The following RIMBP2 variants were observed in gnomAD, a reference collection of about 807,000 sequenced individuals.
RIMBP2 encodes the protein RIMS-binding protein 2.
Under a neutral mutation model 118.6 loss-of-function variants are expected in RIMBP2, and 48 were observed. That is an observed-to-expected ratio of 0.40 (90% CI 0.32 to 0.51). The LOEUF is 0.51. Ranked by LOEUF, RIMBP2 falls within the 20% of genes least tolerant of loss-of-function variation. RIMBP2 has a pLI of 0.41. For missense variants in RIMBP2, 1,551 were observed against 1,768.3 expected (o/e 0.88, Z 2.20); for synonymous variants, 762 against 742.9 (o/e 1.03, Z -0.42).
At position 130,420,553 on chromosome 12, in the gene RIMBP2, A is replaced by G. The variant is rs1398435490; in HGVS notation, c.3238+1900T>C. ...TTCATTTGGGAAGGGTTTTTATGAT[A>G]CTAATAAAACTTTAAAGCTTCTCAC... is the stretch of plus-strand genomic sequence containing the variant. On this transcript the variant is annotated intron_variant, in intron 17 of 22. Transcript: ENST00000690449. The surrounding 1 kb of genome is among the most constrained non-coding windows in gnomAD (Gnocchi z 4.3). Among the ~76,000 whole-genome samples, 2 of 152,238 alleles carry G rather than the reference A, an allele frequency of 1.3e-5. No individual in the cohort carries two copies. Among genetic ancestry groups the G allele is most frequent in the African/African-American group, 4.8e-5 (2 of 41,466 alleles).
chr12:130,680,139 A>G (rs2064708819), intron 1 of RIMBP2, among the ~76,000 whole-genome samples: 1 of 152,276 alleles, frequency 6.6e-6, no homozygotes, highest in Admixed American at 6.5e-5. Flanking sequence ...AGGAGCTCTC[A>G]TGCATTATTG....
chr12:130,505,493 C>G (rs1303091113), intron 4 of RIMBP2, among the ~76,000 whole-genome samples: 2 of 112,508 alleles, frequency 1.8e-5, no homozygotes, highest in African/African-American at 3.5e-5. Context: ...CCCCTCCACT[C>G]CCCCCACCAC....
At chr12:130,590,907 G>A (rs906762976) in intron 2 of RIMBP2, among the ~76,000 whole-genome samples, 6 of 152,318 alleles carry the variant, frequency 3.9e-5, no homozygotes, top group Admixed American at 6.5e-5. Flanking sequence ...ACGAACTTCC[G>A]TGAGGAAGCG....
At chr12:130,474,185 G>T (rs754381597) in intron 5 of RIMBP2, among the ~76,000 whole-genome samples, 1 of 152,136 alleles carries the variant, frequency 6.6e-6, no homozygotes, top group East Asian at 1.9e-4. Flanking sequence ...AGTGGACCAC[G>T]GGCATGTTAG....
At chr12:130,544,168 C>G (rs1405248451) in intron 2 of RIMBP2, among the ~76,000 whole-genome samples, 2 of 152,184 alleles carry the variant, frequency 1.3e-5, no homozygotes, top group Non-Finnish European at 2.9e-5. Context: ...GATGTCCTTC[C>G]TCTTCTGTCC....
intron 1 of RIMBP2, among the ~76,000 whole-genome samples, chr12:130,712,254 G>A (rs1029378514): frequency 2.0e-5 from 3 of 152,054 alleles, no homozygotes; most frequent in South Asian, 4.1e-4. Context: ...AGCTTACTTC[G>A]TTGCCTTATA....
At chr12:130,480,530 G>C (rs951989620) in intron 4 of RIMBP2, among the ~76,000 whole-genome samples, 2 of 152,188 alleles carry the variant, frequency 1.3e-5, no homozygotes, top group South Asian at 4.1e-4. Flanking sequence ...GGCTGGAACT[G>C]GTTGGTCATT....
At chr12:130,559,375 T>C (rs1185047209) in intron 2 of RIMBP2, among the ~76,000 whole-genome samples, 1 of 152,130 alleles carries the variant, frequency 6.6e-6, no homozygotes, top group Non-Finnish European at 1.5e-5. Context: ...CCCCGTGAGT[T>C]CGACTTTTTT....
chr12:130,497,259 G>A (rs1237179807), intron 4 of RIMBP2, among the ~76,000 whole-genome samples: 1 of 152,128 alleles, frequency 6.6e-6, no homozygotes, highest in African/African-American at 2.4e-5. Flanking sequence ...CATGACTGTG[G>A]GGAGGCTGAT....
At chr12:130,643,474 C>A (rs1156994993) in intron 1 of RIMBP2, among the ~76,000 whole-genome samples, 3 of 152,094 alleles carry the variant, frequency 2.0e-5, no homozygotes, top group African/African-American at 7.2e-5. Flanking sequence ...GGACAGGCAC[C>A]CCATGGGACT....
In RIMBP2 at chr12:130,424,440, C is replaced by T. The variant is rs998758112; in HGVS notation, c.2831G>A (p.Gly944Asp). 6 of 1,232,386 alleles carry T rather than the reference C, an allele frequency of 4.9e-6. No individual in the cohort carries two copies. The highest frequency in any genetic ancestry group is 5.1e-6 in the Non-Finnish European group (5 of 988,048). 76.3% of individuals were successfully genotyped at this position (1,232,386 alleles called of 1,614,324 possible). ...CCTCCTGCAGGGACAGTGACCAGGG[C>T]CTGGGCTGCACGCGGCCACGGTGTT... ...FGNTVAACSPGPGHCPCRRGP... is the reference protein window; with the variant it reads ...FGNTVAACSPDPGHCPCRRGP... Residue 944 changes from glycine (G) to aspartate (D), a missense_variant, in exon 16 of 23, where the codon GGC becomes GAC. Coordinates refer to ENST00000690449, the MANE Select transcript of RIMBP2 (RefSeq NM_001393629.1). The surrounding 1 kb of genome is among the most constrained non-coding windows in gnomAD (Gnocchi z 9.8).
intron 1 of RIMBP2, among the ~76,000 whole-genome samples, chr12:130,684,045 G>GA (rs1364921966): frequency 1.3e-5 from 2 of 152,002 alleles, no homozygotes; most frequent in African/African-American, 4.8e-5. Flanking sequence ...AGTCTGATAA[G>GA]AAACATTTAC....
chr12:130,680,934 T>C (rs2064754209), intron 1 of RIMBP2, among the ~76,000 whole-genome samples: 1 of 152,228 alleles, frequency 6.6e-6, no homozygotes, highest in Non-Finnish European at 1.5e-5. Flanking sequence ...TCTGTCTCCA[T>C]AGCTGAACCC....
In RIMBP2 at chr12:130,622,263, G is replaced by T. The variant is rs2061363824; in HGVS notation, c.-217+6059C>A. Among the ~76,000 whole-genome samples, 1 of 152,112 alleles carries T rather than the reference G, an allele frequency of 6.6e-6. No individual in the cohort carries two copies. Among genetic ancestry groups the T allele is most frequent in the Admixed American group, 6.5e-5 (1 of 15,280 alleles). The stretch of plus-strand genomic sequence containing the variant: ...GAAGCCCCCACAAGGCTGCATAGGA[G>T]GTTCCGGGGAACAGAGTCCCCAAAC... On this transcript the variant is annotated intron_variant, in intron 2 of 22. Transcript: ENST00000690449. The surrounding 1 kb of genome is among the most constrained non-coding windows in gnomAD (Gnocchi z 8.5).
rs575406183 is a variant in RIMBP2 at position 130,703,236 on chromosome 12, C to T, written c.-352+12986G>A. Among the ~76,000 whole-genome samples, 10 of 152,232 alleles carry T rather than the reference C, an allele frequency of 6.6e-5. No homozygotes were observed. Among genetic ancestry groups the T allele is most frequent in the African/African-American group, 2.4e-4 (10 of 41,544 alleles). ...CACCCTCCTGGTTGACAGATGACGC[C>T]TGGTGTTGGCCTTGTGCACCCCGAT... On this transcript the variant is annotated intron_variant, in intron 1 of 22. Coordinates refer to ENST00000690449, the MANE Select transcript of RIMBP2 (RefSeq NM_001393629.1). This position sits in a 1 kb window ranked among gnomAD's most constrained non-coding sequence, Gnocchi z 5.7.
intron 4 of RIMBP2, among the ~76,000 whole-genome samples, chr12:130,492,548 G>A (rs1049875828): frequency 5.3e-5 from 8 of 152,200 alleles, no homozygotes; most frequent in Admixed American, 1.3e-4. Context: ...AGATGCAGGG[G>A]TGGCAACATT....
chr12:130,542,485 T>C (rs970588354), intron 2 of RIMBP2, among the ~76,000 whole-genome samples: 13 of 152,136 alleles, frequency 8.5e-5, no homozygotes, highest in Non-Finnish European at 1.6e-4. Context: ...AAAACACACA[T>C]AATCCTGCTG....
rs553787496 is a variant in RIMBP2 at position 130,484,131 on chromosome 12, C to T, written c.-3-5115G>A. ...TAGGTGTCCTTGGCCGGAAGGAGCC[C>T]GATGCCCCCCGAAGTGGACCCCTGG... On this transcript the variant is annotated intron_variant, in intron 4 of 22. Transcript: ENST00000690449. Among the ~76,000 whole-genome samples the T allele has an allele frequency of 1.5e-3, 229 of 152,306 alleles. 3 individuals are homozygous for T. In the Middle Eastern group the frequency reaches 0.017, roughly 11 times the overall value.
intron 22 of RIMBP2, chr12:130,397,856 G>T (rs2074182046): frequency 4.8e-6 from 1 of 209,654 alleles, no homozygotes; most frequent in Non-Finnish European, 9.4e-6. Flanking sequence ...GGGGAGACAT[G>T]ATCTGAAATT....
Sources: gnomAD v4.1 joint callset for allele counts (sites outside exome capture counted in the v4.1 genomes callset) on GRCh38, gnomAD v4.1.1 for gene constraint, Gnocchi (gnomAD v3.1) non-coding constraint, MANE v1.5 for transcripts, NCBI Gene and HGNC (gene_info 2026-07-23, HGNC 2026-07-21) for gene names.